Variants in KCNB2 observed in about 807,000 individuals in gnomAD.
KCNB2 encodes potassium voltage-gated channel subfamily B member 2.
A neutral mutation model predicts 61.5 loss-of-function variants in KCNB2; 15 were observed. The observed-to-expected ratio is 0.24, with a 90% confidence interval of 0.16 to 0.38. KCNB2 has a LOEUF of 0.38. Among genes scored for constraint, KCNB2 ranks in the 10% least tolerant of loss-of-function variants. The pLI, the probability that KCNB2 is intolerant of heterozygous loss-of-function variation, is 1.00. For synonymous variants in KCNB2, 457 were observed against 446.0 expected, an observed-to-expected ratio of 1.02 and a Z score of -0.31; for missense variants, 828 against 1,125.2, an observed-to-expected ratio of 0.74 and a Z score of 3.78.
intron 2 of KCNB2, among the ~76,000 whole-genome samples, chr8:72,923,944 T>C (rs753084644): frequency 6.6e-6 from 1 of 152,208 alleles, no homozygotes; most frequent in Non-Finnish European, 1.5e-5. Flanking sequence ...CATTATATCA[T>C]TTCAGCACTA....
Position 72,561,751 on chromosome 8 carries a change from A to ATG in KCNB2, c.-93-5890_-93-5889insGT, listed in dbSNP as rs1563523505. 5.6e-3 allele frequency among the ~76,000 whole-genome samples: 141 copies of ATG among 25,024 alleles called. 12 individuals are homozygous for ATG. The highest frequency in any genetic ancestry group is 0.036 in the African/African-American group (101 of 2,836). The allele number at this position is 25,024 out of a possible 152,430, so 16.4% of individuals were successfully genotyped here. A position where few individuals can be genotyped will look rare whatever the true frequency, so the allele number is the denominator to read the frequency against. On this transcript the variant is annotated intron_variant, in intron 1 of 2. Coordinates refer to ENST00000523207, the MANE Select transcript of KCNB2 (RefSeq NM_004770.3). Reference sequence around the variant, plus strand: ...TATCTATATCTATATATATATGTATATATATATATGGATATATATATATAT... The same window carrying ATG: ...TATCTATATCTATATATATATGTATATGTATATATATGGATATATATATATAT...
intron 2 of KCNB2, among the ~76,000 whole-genome samples, chr8:72,759,896 C>G (rs189446713): frequency 6.6e-6 from 1 of 152,066 alleles, no homozygotes; most frequent in Non-Finnish European, 1.5e-5. Context: ...GAGTCAAGGT[C>G]GGGACAAAGC....
intron 2 of KCNB2, among the ~76,000 whole-genome samples, chr8:72,710,762 C>T (rs2128991783): frequency 6.6e-6 from 1 of 152,282 alleles, no homozygotes; most frequent in South Asian, 2.1e-4. Context: ...ATTAAACCTC[C>T]AAATATACTT....
intron 2 of KCNB2, among the ~76,000 whole-genome samples, chr8:72,816,139 G>T (rs1379388774): frequency 6.6e-6 from 1 of 152,124 alleles, no homozygotes; most frequent in Non-Finnish European, 1.5e-5. Flanking sequence ...GGGTAGCATG[G>T]ATCGTACTAA....
intron 2 of KCNB2, among the ~76,000 whole-genome samples, chr8:72,867,370 C>T (rs760733206): frequency 1.3e-5 from 2 of 151,950 alleles, no homozygotes; most frequent in Admixed American, 6.6e-5. Flanking sequence ...GGCCAGAGGC[C>T]GGGAGTGGTG....
chr8:72,664,279 C>T (rs141219350), intron 2 of KCNB2, among the ~76,000 whole-genome samples: 25 of 152,280 alleles, frequency 1.6e-4, no homozygotes, highest in African/African-American at 5.1e-4. Flanking sequence ...CCAGGGATTA[C>T]GTAAAGGTAA....
At chr8:72,713,802 T>G (rs1807370154) in intron 2 of KCNB2, among the ~76,000 whole-genome samples, 1 of 152,076 alleles carries the variant, frequency 6.6e-6, no homozygotes, top group African/African-American at 2.4e-5. Flanking sequence ...GGAACAAAGC[T>G]GGATGGAGAA....
At chr8:72,833,422 C>T (rs114830520) in intron 2 of KCNB2, among the ~76,000 whole-genome samples, 1,857 of 152,124 alleles carry the variant, frequency 0.012, 33 homozygotes, top group African/African-American at 0.043. Flanking sequence ...AAAAAGACTG[C>T]AGGAAATAGT....
chr8:72,915,792 G>T (rs984487987), intron 2 of KCNB2, among the ~76,000 whole-genome samples: 1 of 152,100 alleles, frequency 6.6e-6, no homozygotes, highest in African/African-American at 2.4e-5. Flanking sequence ...GGTGGTGGGT[G>T]CCTGTAGTCC....
intron 2 of KCNB2, among the ~76,000 whole-genome samples, chr8:72,699,184 A>T (rs1807070421): frequency 6.6e-6 from 1 of 152,076 alleles, no homozygotes; most frequent in African/African-American, 2.4e-5. Flanking sequence ...TTAAAAAGTG[A>T]GCAAACTAAT....
At chr8:72,801,452 A>G (rs571513977) in intron 2 of KCNB2, among the ~76,000 whole-genome samples, 5 of 152,366 alleles carry the variant, frequency 3.3e-5, no homozygotes, top group Admixed American at 1.3e-4. Context: ...TTTGAAGGTC[A>G]GATAGCAAGA....
At chr8:72,885,076 A>G (rs898782134) in intron 2 of KCNB2, among the ~76,000 whole-genome samples, 2 of 152,138 alleles carry the variant, frequency 1.3e-5, no homozygotes, top group African/African-American at 4.8e-5. Context: ...AATTTTATCA[A>G]AATTTTTGGT....
intron 2 of KCNB2, among the ~76,000 whole-genome samples, chr8:72,631,191 C>A (rs1805875182): frequency 6.6e-6 from 1 of 152,202 alleles, no homozygotes; most frequent in Non-Finnish European, 1.5e-5. Context: ...CTAAGGGTAA[C>A]TGAAACCACA....
In KCNB2 at chr8:72,561,747, G is replaced by GTGTATA. The variant is rs1563523487; in HGVS notation, c.-93-5894_-93-5893insGTATAT. On this transcript the variant is annotated intron_variant, in intron 1 of 2. Coordinates refer to ENST00000523207, the MANE Select transcript of KCNB2 (RefSeq NM_004770.3). ...TATATATCTATATCTATATATATAT[G>GTGTATA]TATATATATATATGGATATATATAT... 4.3e-3 allele frequency among the ~76,000 whole-genome samples: 69 copies of GTGTATA among 16,028 alleles called. 5 individuals are homozygous for GTGTATA. Among genetic ancestry groups the GTGTATA allele is most frequent in the Middle Eastern group, 0.12 (2 of 16 alleles). The allele number at this position is 16,028 out of a possible 152,430, so 10.5% of individuals were successfully genotyped here.
intron 2 of KCNB2, among the ~76,000 whole-genome samples, chr8:72,861,473 T>C (rs1805408261): frequency 6.6e-6 from 1 of 152,156 alleles, no homozygotes; most frequent in Admixed American, 6.5e-5. Context: ...GAAAGAAGCC[T>C]GATGGTTCAA....
intron 2 of KCNB2, among the ~76,000 whole-genome samples, chr8:72,838,598 A>G (rs371163114): frequency 3.3e-4 from 50 of 152,340 alleles, no homozygotes; most frequent in Non-Finnish European, 6.2e-4. Flanking sequence ...TTATAGCAGC[A>G]TGATTTATAA....
At chr8:72,916,888 G>A (rs1806411710) in intron 2 of KCNB2, among the ~76,000 whole-genome samples, 1 of 152,140 alleles carries the variant, frequency 6.6e-6, no homozygotes, top group Non-Finnish European at 1.5e-5. Context: ...AGTCTCCAAT[G>A]TCCAGCTGCT....
intron 2 of KCNB2, among the ~76,000 whole-genome samples, chr8:72,890,262 T>TG (rs1438069209): frequency 6.6e-6 from 1 of 152,146 alleles, no homozygotes; most frequent in African/African-American, 2.4e-5. Flanking sequence ...ACTACAAAGA[T>TG]GAAAAGACAT....
At chr8:72,882,977 A>C (rs1805742837) in intron 2 of KCNB2, among the ~76,000 whole-genome samples, 1 of 152,088 alleles carries the variant, frequency 6.6e-6, no homozygotes, top group Non-Finnish European at 1.5e-5. Flanking sequence ...TGCCTTCTCC[A>C]GGCCCTTTCC....
Sources: gnomAD v4.1 joint callset for allele counts (sites outside exome capture counted in the v4.1 genomes callset) on GRCh38, gnomAD v4.1.1 for gene constraint, MANE v1.5 for transcripts, NCBI Gene and HGNC (gene_info 2026-07-23, HGNC 2026-07-21) for gene names.